The following SLC25A42 variants were observed in gnomAD, a reference collection of about 807,000 sequenced individuals.
The protein encoded by SLC25A42 is solute carrier family 25 member 42.
A neutral mutation model predicts 34.7 loss-of-function variants in SLC25A42; 19 were observed. That is an observed-to-expected ratio of 0.55 (90% CI 0.38 to 0.80). SLC25A42 has a LOEUF of 0.80. SLC25A42 is among the 30% of genes least tolerant of loss of function. The pLI, the probability that SLC25A42 is intolerant of heterozygous loss-of-function variation, is 0.00. For synonymous variants in SLC25A42, 205 were observed against 191.2 expected, an observed-to-expected ratio of 1.07 and a Z score of -0.59; for missense variants, 364 against 441.3, an observed-to-expected ratio of 0.82 and a Z score of 1.57.
In SLC25A42 at chr19:19,110,852, C is replaced by A; in HGVS notation, c.933C>A (p.Ile311=). The part of the protein sequence containing the change: ...ISFTTFDLMQ[I]LLRHLQS Reference sequence around the variant, plus strand: ...TCACCACCTTCGACCTCATGCAGATCCTGCTGCGGCACCTGCAGAGCTAGG... The same window carrying A: ...TCACCACCTTCGACCTCATGCAGATACTGCTGCGGCACCTGCAGAGCTAGG... Residue 311 remains isoleucine, a synonymous_variant, in exon 8 of 8, where the codon ATC becomes ATA. Coordinates refer to ENST00000318596, the MANE Select transcript of SLC25A42 (RefSeq NM_178526.5). 9.9e-6 allele frequency: 16 copies of A among 1,613,928 alleles called. No homozygotes were observed. Among genetic ancestry groups the A allele is most frequent in the Non-Finnish European group, 1.2e-5 (14 of 1,180,006 alleles).
intron 1 of SLC25A42, among the ~76,000 whole-genome samples, chr19:19,072,818 A>G (rs2059637807): frequency 6.6e-6 from 1 of 151,566 alleles, no homozygotes; most frequent in South Asian, 2.1e-4. Context: ...AGCTGAGACT[A>G]TAAGTGTGCG....
At chr19:19,092,816 C>T (rs889051551) in intron 1 of SLC25A42, among the ~76,000 whole-genome samples, 1 of 152,184 alleles carries the variant, frequency 6.6e-6, no homozygotes, top group Non-Finnish European at 1.5e-5. Context: ...CGTTCTCACC[C>T]AAGCGCCCAA....
Position 19,081,838 on chromosome 19 carries a change from C to T in SLC25A42, c.-34-14253C>T, listed in dbSNP as rs997428876. On this transcript the variant is annotated intron_variant, in intron 1 of 7. Coordinates refer to ENST00000318596, the MANE Select transcript of SLC25A42 (RefSeq NM_178526.5). The surrounding 1 kb of genome is among the most constrained non-coding windows in gnomAD (Gnocchi z 4.5). ...CGAGTGACCTCTGTCCCTGGAGACC[C>T]ATTCCTTCTCTCACTAGCCCCATGG... Among the ~76,000 whole-genome samples the T allele has an allele frequency of 6.6e-6, 1 of 152,252 alleles. No homozygotes were observed.
At chr19:19,065,786 TTATA>T (rs1434582082) in intron 1 of SLC25A42, among the ~76,000 whole-genome samples, 1 of 152,226 alleles carries the variant, frequency 6.6e-6, no homozygotes, top group Non-Finnish European at 1.5e-5. Flanking sequence ...TATACATATT[TTATA>T]TATACATATT....
chr19:19,105,475 G>C (rs890413680), intron 4 of SLC25A42, 86 bp from the exon 5 acceptor site: 8 of 1,512,886 alleles, frequency 5.3e-6, no homozygotes, highest in Admixed American at 3.9e-5. Flanking sequence ...CCCCGCCTCC[G>C]CACTTTGGGC....
At chr19:19,075,165 A>C (rs981543650) in intron 1 of SLC25A42, among the ~76,000 whole-genome samples, 5 of 151,924 alleles carry the variant, frequency 3.3e-5, no homozygotes, top group Non-Finnish European at 7.4e-5. Flanking sequence ...AAAAAAAAGA[A>C]GTAGCTTGTC....
intron 6 of SLC25A42, among the ~76,000 whole-genome samples, chr19:19,107,289 C>A (rs1178666624): frequency 7.0e-6 from 1 of 143,278 alleles, no homozygotes; most frequent in Non-Finnish European, 1.5e-5. Flanking sequence ...TGCACTCCAG[C>A]CGGTCCACAG....
Position 19,078,540 on chromosome 19 carries a change from G to A in SLC25A42, c.-35+14425G>A, listed in dbSNP as rs115631239. 3.0e-3 allele frequency among the ~76,000 whole-genome samples: 451 copies of A among 152,288 alleles called. 5 individuals are homozygous for A. The highest frequency in any genetic ancestry group is 1.0e-2 in the African/African-American group (415 of 41,548). On this transcript the variant is annotated intron_variant, in intron 1 of 7. Transcript: ENST00000318596. Reference sequence around the variant, plus strand: ...GTCATTTGCAGTACCGATAGAGCCCGTGAAGGTGTGCCTCCGCAGAGCATG... The same window carrying A: ...GTCATTTGCAGTACCGATAGAGCCCATGAAGGTGTGCCTCCGCAGAGCATG...
chr19:19,097,331 G>A (rs1034535716), intron 2 of SLC25A42, among the ~76,000 whole-genome samples: 1 of 152,170 alleles, frequency 6.6e-6, no homozygotes, highest in Admixed American at 6.5e-5. Context: ...TCATTCACCG[G>A]GGTCACCACC....
rs1236169194 is a variant in SLC25A42, at chr19:19,106,300, G to A, written c.412G>A (p.Gly138Ser). ...GCCCCCTTGGCCTCGCCTCTTCGCC[G>A]GCGCACTGGCTGGAACGACAGCCGC... ...ALPPWPRLFA[G>S]ALAGTTAASL... The change falls in exon 6 of 8, where the codon GGC (glycine) becomes AGC (serine). Residue 138 changes from glycine (G) to serine (S), a missense_variant. Coordinates refer to ENST00000318596, the MANE Select transcript of SLC25A42 (RefSeq NM_178526.5). 1.2e-6 allele frequency: 2 copies of A among 1,612,974 alleles called. No individual in the cohort carries two copies. The highest frequency in any genetic ancestry group is 1.7e-6 in the Non-Finnish European group (2 of 1,179,944).
At chr19:19,065,803 G>T (rs142915079) in intron 1 of SLC25A42, among the ~76,000 whole-genome samples, 1 of 152,020 alleles carries the variant, frequency 6.6e-6, no homozygotes, top group Non-Finnish European at 1.5e-5. Context: ...TACATATTTC[G>T]TGTGTGTTAT....
chr19:19,106,419 C>A, intron 6 of SLC25A42, 34 bp downstream of exon 6: 1 of 1,556,006 alleles, frequency 6.4e-7, no homozygotes, highest in Non-Finnish European at 8.8e-7. Context: ...GCATCAGCCC[C>A]GGGGGCTCTG....
At chr19:19,096,787 A>G (rs1044082340) in intron 2 of SLC25A42, among the ~76,000 whole-genome samples, 1 of 152,104 alleles carries the variant, frequency 6.6e-6, no homozygotes, top group African/African-American at 2.4e-5. Context: ...AAATATAAAA[A>G]TTAGCCAGGC....
At chr19:19,093,600 G>T (rs916773307) in intron 1 of SLC25A42, among the ~76,000 whole-genome samples, 2 of 152,186 alleles carry the variant, frequency 1.3e-5, no homozygotes, top group Non-Finnish European at 2.9e-5. Flanking sequence ...CAGGCTCTTT[G>T]TTTTTGGTGA....
At chr19:19,078,903 G>A (rs1360991758) in intron 1 of SLC25A42, among the ~76,000 whole-genome samples, 1 of 152,078 alleles carries the variant, frequency 6.6e-6, no homozygotes, top group East Asian at 1.9e-4. Context: ...CCAGGCTGGA[G>A]TGCAGTGGCG....
At chr19:19,083,981 G>A (rs1290367275) in intron 1 of SLC25A42, among the ~76,000 whole-genome samples, 3 of 40,428 alleles carry the variant, frequency 7.4e-5, no homozygotes, top group Admixed American at 3.2e-4. Context: ...CCTTCAGGGC[G>A]CTGCACACAC....
chr19:19,080,228 G>A (rs575454617), intron 1 of SLC25A42, among the ~76,000 whole-genome samples: 1 of 152,308 alleles, frequency 6.6e-6, no homozygotes, highest in South Asian at 2.1e-4. Flanking sequence ...GAAGAGCAGA[G>A]TGGGCTTGAA....
chr19:19,106,651 G>T, intron 6 of SLC25A42: 1 of 257,542 alleles, frequency 3.9e-6, no homozygotes, highest in Non-Finnish European at 7.4e-6. Flanking sequence ...GTAAGAATAC[G>T]GCCGGGCACG....
At chr19:19,096,254 T>TGGCGCCCCCCCCCCCCCCCCCC in intron 2 of SLC25A42, 49 bp downstream of exon 2, 1 of 1,456,752 alleles carries the variant, frequency 6.9e-7, no homozygotes, top group Non-Finnish European at 9.4e-7. Context: ...GGCCCCAGCC[T>TGGCGCCCCCCCCCCCCCCCCCC]CCCCACCCCC....
Sources: gnomAD v4.1 joint callset for allele counts (sites outside exome capture counted in the v4.1 genomes callset) on GRCh38, gnomAD v4.1.1 for gene constraint, Gnocchi (gnomAD v3.1) non-coding constraint, MANE v1.5 for transcripts, NCBI Gene and HGNC (gene_info 2026-07-23, HGNC 2026-07-21) for gene names.